GRK1: variants seen among roughly 807,000 people sequenced by gnomAD.
GRK1 encodes the protein G protein-coupled receptor kinase 1.
In GRK1, 28 loss-of-function variants were observed where a neutral mutation model predicts 41.7. The ratio of observed to expected loss-of-function variants is 0.67; its 90% CI spans 0.50 to 0.92. The LOEUF (loss-of-function observed/expected upper bound fraction) is 0.92. GRK1 is among the 40% of genes least tolerant of loss of function. The probability of loss-of-function intolerance (pLI) is 0.00; values close to 1 mark genes in which losing one functional copy is unlikely to be tolerated. For missense variants in GRK1, 703 were observed against 671.2 expected, an observed-to-expected ratio of 1.05 and a Z score of -0.52; for synonymous variants, 327 against 286.7, an observed-to-expected ratio of 1.14 and a Z score of -1.42.
chr13:113,650,404 A>G, the GRK1 span: 2 of 1,613,400 alleles, frequency 1.2e-6, no homozygotes, highest in Non-Finnish European at 1.7e-6. This position sits in a 1 kb window ranked among gnomAD's most constrained non-coding sequence, Gnocchi z 5.0. Flanking sequence ...GAAGGAACCT[A>G]CCTGGGCTTT....
chr13:113,657,321 G>T, the GRK1 span, among the ~76,000 whole-genome samples: 1 of 152,232 alleles, frequency 6.6e-6, no homozygotes, highest in South Asian at 2.1e-4. Flanking sequence ...GTCGCAGGGG[G>T]AGGTGGGGGC....
chr13:113,733,736 T>TCC (rs2049964459), intron 6 of GRK1, among the ~76,000 whole-genome samples: 1 of 126,170 alleles, frequency 7.9e-6, no homozygotes, highest in Non-Finnish European at 1.8e-5. Flanking sequence ...CGCGCGTGTG[T>TCC]ATGTGTGCAT....
intron 6 of GRK1, among the ~76,000 whole-genome samples, chr13:113,733,892 T>TCTGTGC (rs1555361243): frequency 1.7e-5 from 2 of 116,214 alleles, no homozygotes; most frequent in Non-Finnish European, 3.3e-5. Flanking sequence ...CGTGTGTGCG[T>TCTGTGC]GTGTGTATGT....
chr13:113,729,270 G>A (rs538744807), intron 4 of GRK1, among the ~76,000 whole-genome samples: 4 of 152,360 alleles, frequency 2.6e-5, no homozygotes, highest in African/African-American at 7.2e-5. Context: ...ATGTGCGAGC[G>A]AGGCTCCAGG....
At chr13:113,655,599 C>T in the GRK1 span, among the ~76,000 whole-genome samples, 1 of 152,238 alleles carries the variant, frequency 6.6e-6, no homozygotes, top group African/African-American at 2.4e-5. Flanking sequence ...TGGGCGGCTC[C>T]TGGACACAGG....
At chr13:113,653,394 C>G in the GRK1 span, 3 of 1,614,226 alleles carry the variant, frequency 1.9e-6, no homozygotes, top group African/African-American at 4.0e-5. Flanking sequence ...AGACAATTTC[C>G]AGGCCTTTCT....
intron 5 of GRK1, 76 bp from the exon 6 acceptor site, chr13:113,732,808 G>T: frequency 6.8e-7 from 1 of 1,475,106 alleles, no homozygotes; most frequent in Non-Finnish European, 9.1e-7. Context: ...TGGCTCTTGT[G>T]GGAGGAGCTG....
At chr13:113,726,482 G>C (rs1438253005) in intron 4 of GRK1, 2 of 160,002 alleles carry the variant, frequency 1.2e-5, no homozygotes, top group Non-Finnish European at 2.8e-5. Flanking sequence ...GGGCGGGGCC[G>C]GTCATGCGCG....
At chr13:113,725,342 G>A (rs928353807) in intron 4 of GRK1, among the ~76,000 whole-genome samples, 1 of 130,974 alleles carries the variant, frequency 7.6e-6, no homozygotes, top group Non-Finnish European at 1.6e-5. Flanking sequence ...TGCACAGGGC[G>A]GGGCCGGTCA....
At chr13:113,648,457 G>A in the GRK1 span, among the ~76,000 whole-genome samples, 3 of 152,310 alleles carry the variant, frequency 2.0e-5, no homozygotes, top group South Asian at 2.1e-4. Flanking sequence ...GGGGTGAGAC[G>A]CCCGTGGCCT....
At chr13:113,659,651 T>A in the GRK1 span, among the ~76,000 whole-genome samples, 2 of 152,182 alleles carry the variant, frequency 1.3e-5, no homozygotes, top group Non-Finnish European at 2.9e-5. Flanking sequence ...CAGACTGGTT[T>A]AGAACTCCTG....
intron 6 of GRK1, among the ~76,000 whole-genome samples, chr13:113,734,003 CGTGTGCGTGCATGT>C (rs1295675483): frequency 1.8e-5 from 2 of 113,080 alleles, no homozygotes; most frequent in Non-Finnish European, 3.4e-5. Context: ...CATGTGTGTG[CGTGTGCGTGCATGT>C]GTGTGCGTGC....
upstream of GRK1, among the ~76,000 whole-genome samples, chr13:113,666,435 T>TCCCAGGTGTGTCCCAGGTGTTC: frequency 6.7e-6 from 1 of 149,350 alleles, no homozygotes; most frequent in Non-Finnish European, 1.5e-5. Context: ...GTCCCAGCTG[T>TCCCAGGTGTGTCCCAGGTGTTC]CCCAGGTGTG....
chr13:113,725,202 G>A (rs2049883443), intron 4 of GRK1, among the ~76,000 whole-genome samples: 1 of 152,280 alleles, frequency 6.6e-6, no homozygotes. Context: ...CGCAGCGAGA[G>A]ACACCACAGC....
the GRK1 span, chr13:113,653,406 C>T: frequency 1.5e-5 from 25 of 1,614,128 alleles, no homozygotes; most frequent in Admixed American, 1.8e-4. Context: ...GGCCTTTCTC[C>T]CCGTAAACAT....
intron 6 of GRK1, among the ~76,000 whole-genome samples, chr13:113,734,265 G>T (rs1594583256): frequency 6.6e-6 from 1 of 152,242 alleles, no homozygotes; most frequent in South Asian, 2.1e-4. Flanking sequence ...GTGACTGCCA[G>T]ACAGGTGCCC....
chr13:113,658,535 A>G, the GRK1 span, among the ~76,000 whole-genome samples: 1 of 152,122 alleles, frequency 6.6e-6, no homozygotes, highest in Non-Finnish European at 1.5e-5. Flanking sequence ...GCCTGGACCC[A>G]CTGTGTCCAC....
chr13:113,724,053 C>T (rs1257534049), intron 4 of GRK1, among the ~76,000 whole-genome samples: 1 of 152,176 alleles, frequency 6.6e-6, no homozygotes, highest in Non-Finnish European at 1.5e-5. Flanking sequence ...CCTACTGCCT[C>T]CCCCATCCCG....
chr13:113,728,834 C>T (rs531247591), intron 4 of GRK1, among the ~76,000 whole-genome samples: 7 of 152,190 alleles, frequency 4.6e-5, no homozygotes, highest in Admixed American at 3.3e-4. Flanking sequence ...GCGGAAGGGC[C>T]GGGGAGGGCA....
Sources: gnomAD v4.1 joint callset for allele counts (sites outside exome capture counted in the v4.1 genomes callset) on GRCh38, gnomAD v4.1.1 for gene constraint, Gnocchi (gnomAD v3.1) non-coding constraint, MANE v1.5 for transcripts, NCBI Gene and HGNC (gene_info 2026-07-23, HGNC 2026-07-21) for gene names.